TLN2: variants seen among roughly 807,000 people sequenced by gnomAD.
The protein encoded by TLN2 is talin-2.
Under a neutral mutation model 294.7 loss-of-function variants are expected in TLN2, and 118 were observed. The ratio of observed to expected loss-of-function variants is 0.40; its 90% confidence interval spans 0.34 to 0.47. The LOEUF (loss-of-function observed/expected upper bound fraction) is 0.47. Ranked by LOEUF, TLN2 falls within the 20% of genes least tolerant of loss-of-function variation. TLN2 has a pLI of 0.84. For synonymous variants in TLN2, 1,431 were observed against 1,304.5 expected (o/e 1.10, Z -2.09); for missense variants, 3,083 against 3,282.2 (o/e 0.94, Z 1.48).
At chr15:62,824,494 C>G (rs957827331) in intron 54 of TLN2, among the ~76,000 whole-genome samples, 1 of 152,206 alleles carries the variant, frequency 6.6e-6, no homozygotes, top group Non-Finnish European at 1.5e-5. Context: ...CCTTTCCACT[C>G]ACAGTAACAG....
intron 1 of TLN2, among the ~76,000 whole-genome samples, chr15:62,542,311 C>T (rs1398789263): frequency 6.6e-6 from 1 of 152,136 alleles, no homozygotes; most frequent in Non-Finnish European, 1.5e-5. Context: ...CCTGCCTCAG[C>T]CTCCAGAGTA....
chr15:62,729,492 A>G (rs2060605764), intron 28 of TLN2, among the ~76,000 whole-genome samples: 1 of 152,156 alleles, frequency 6.6e-6, no homozygotes, highest in Non-Finnish European at 1.5e-5. Context: ...TAATATGTGA[A>G]TATCCATTTA....
chr15:62,609,166 TA>T (rs2140814640), intron 2 of TLN2, among the ~76,000 whole-genome samples: 1 of 152,260 alleles, frequency 6.6e-6, no homozygotes, highest in Admixed American at 6.5e-5. Flanking sequence ...AAAAATACTT[TA>T]AAAGGTTTTG....
At chr15:62,696,704 G>A (rs1322016872) in intron 14 of TLN2, among the ~76,000 whole-genome samples, 2 of 152,154 alleles carry the variant, frequency 1.3e-5, no homozygotes, top group Non-Finnish European at 1.5e-5. Flanking sequence ...GTGAAACTCT[G>A]TCTTAAAAAA....
intron 1 of TLN2, among the ~76,000 whole-genome samples, chr15:62,483,352 G>A (rs2038210083): frequency 6.6e-6 from 1 of 152,204 alleles, no homozygotes; most frequent in Admixed American, 6.5e-5. Context: ...GCTTCCTTCT[G>A]TGTTGTAGTC....
intron 45 of TLN2, among the ~76,000 whole-genome samples, chr15:62,788,644 G>A (rs551799258): frequency 1.4e-4 from 21 of 152,276 alleles, no homozygotes; most frequent in East Asian, 3.9e-4. Context: ...GCTAGTATGC[G>A]AGCCACTTTA....
chr15:62,588,640 A>C (rs1255402579), intron 1 of TLN2, among the ~76,000 whole-genome samples: 6 of 139,352 alleles, frequency 4.3e-5, no homozygotes, highest in African/African-American at 1.6e-4. Flanking sequence ...CTTAAAAAAA[A>C]ATACATATAT....
intron 1 of TLN2, among the ~76,000 whole-genome samples, chr15:62,420,085 A>G: frequency 6.6e-6 from 1 of 152,216 alleles, no homozygotes. Flanking sequence ...CAATAACACC[A>G]ATCAGCCTTA....
chr15:62,763,505 C>A, intron 39 of TLN2, 58 bp from the exon 40 acceptor site: 1 of 1,546,744 alleles, frequency 6.5e-7, no homozygotes, highest in Non-Finnish European at 8.8e-7. Context: ...AGTGCTGGAG[C>A]AGGCTGTGGG....
chr15:62,772,331 G>A (rs972831813), intron 42 of TLN2, among the ~76,000 whole-genome samples: 5 of 152,194 alleles, frequency 3.3e-5, no homozygotes, highest in Admixed American at 6.5e-5. Context: ...TTCTGGGGAT[G>A]CTGAAATATT....
chr15:62,431,484 C>A (rs771257016), intron 1 of TLN2, among the ~76,000 whole-genome samples: 6 of 152,072 alleles, frequency 3.9e-5, no homozygotes, highest in Non-Finnish European at 8.8e-5. Flanking sequence ...ATGTCATATC[C>A]CGAAGTCACC....
At chr15:62,701,069 T>G (rs1281844317) in intron 16 of TLN2, 37 bp from the exon 17 acceptor site, 3 of 1,575,582 alleles carry the variant, frequency 1.9e-6, no homozygotes, top group Non-Finnish European at 2.6e-6. Context: ...GGTAATTCTG[T>G]GCTGTGATTG....
At chr15:62,765,017 A>G (rs1478965095) in intron 40 of TLN2, among the ~76,000 whole-genome samples, 3 of 145,906 alleles carry the variant, frequency 2.1e-5, no homozygotes, top group Non-Finnish European at 4.5e-5. Flanking sequence ...AGCACCCCAG[A>G]AGCCCCCCTC....
At chr15:62,709,795 C>CA (rs1224153289) in intron 21 of TLN2, among the ~76,000 whole-genome samples, 3 of 151,592 alleles carry the variant, frequency 2.0e-5, no homozygotes, top group Non-Finnish European at 4.4e-5. Context: ...GGTGCAGTGG[C>CA]ACAATCTTGG....
chr15:62,674,755 G>T (rs974655780), intron 10 of TLN2, among the ~76,000 whole-genome samples: 29 of 152,160 alleles, frequency 1.9e-4, no homozygotes, highest in African/African-American at 7.0e-4. Context: ...AGCCACCTTG[G>T]CCTCCCAAAC....
chr15:62,544,671 C>T lies in TLN2; in HGVS notation c.-237-45016C>T, dbSNP rs73429734. ...ACATTTTTTCCATCAACTCTGTCATCATCATCTACCCTTTTAAGAGAAAAA... is the reference window on the plus strand; with the variant it reads ...ACATTTTTTCCATCAACTCTGTCATTATCATCTACCCTTTTAAGAGAAAAA... On this transcript the variant is annotated intron_variant, in intron 1 of 58. Coordinates refer to ENST00000636159, the MANE Select transcript of TLN2 (RefSeq NM_015059.3). Among the ~76,000 whole-genome samples, 972 of 152,044 alleles carry T rather than the reference C, an allele frequency of 6.4e-3. 8 individuals carry two copies. Among genetic ancestry groups the T allele is most frequent in the African/African-American group, 0.022 (926 of 41,500 alleles).
intron 35 of TLN2, 123 bp downstream of exon 35, chr15:62,752,550 C>T: frequency 7.2e-7 from 1 of 1,396,844 alleles, no homozygotes; most frequent in African/African-American, 1.4e-5. Flanking sequence ...AAGGCAGTGG[C>T]TTCTGTGCTG....
chr15:62,633,776 C>T (rs1415894439), intron 3 of TLN2, among the ~76,000 whole-genome samples: 5 of 152,072 alleles, frequency 3.3e-5, no homozygotes, highest in Non-Finnish European at 7.3e-5. Context: ...CGGGGCTGTC[C>T]CCTAACAAAA....
intron 22 of TLN2, 143 bp from the exon 23 acceptor site, chr15:62,716,188 C>A: frequency 1.9e-6 from 2 of 1,059,608 alleles, no homozygotes; most frequent in Non-Finnish European, 2.5e-6. Context: ...CATGAGGAAA[C>A]ATCTTCATCA....
Sources: gnomAD v4.1 joint callset for allele counts (sites outside exome capture counted in the v4.1 genomes callset) on GRCh38, gnomAD v4.1.1 for gene constraint, MANE v1.5 for transcripts, NCBI Gene and HGNC (gene_info 2026-07-23, HGNC 2026-07-21) for gene names.